MAPK14: variants seen among roughly 807,000 people sequenced by gnomAD.
MAPK14 encodes mitogen-activated protein kinase 14, also known as CSAID-binding protein.
Under a neutral mutation model 49.6 loss-of-function variants are expected in MAPK14, and 16 were observed. The ratio of observed to expected loss-of-function variants is 0.32; its 90% confidence interval spans 0.22 to 0.49. The LOEUF (loss-of-function observed/expected upper bound fraction) is 0.49. MAPK14 is among the 20% of genes least tolerant of loss of function. The pLI is 0.99. For missense variants in MAPK14, 200 were observed against 441.2 expected (o/e 0.45, Z 4.90); for synonymous variants, 142 against 158.0 (o/e 0.90, Z 0.76).
At chr6:36,060,509 A>T (rs530082306) in intron 3 of MAPK14, among the ~76,000 whole-genome samples, 27 of 152,342 alleles carry the variant, frequency 1.8e-4, no homozygotes, top group African/African-American at 5.5e-4. Context: ...TGTTACTATT[A>T]TGAAAGCCAA....
At chr6:36,083,420 C>T (rs1764844672) in intron 8 of MAPK14, among the ~76,000 whole-genome samples, 1 of 152,202 alleles carries the variant, frequency 6.6e-6, no homozygotes, top group East Asian at 1.9e-4. Context: ...TTCTTGGTAG[C>T]CCTTTGGCTG....
intron 1 of MAPK14, among the ~76,000 whole-genome samples, chr6:36,036,087 A>AT (rs1475659134): frequency 6.6e-6 from 1 of 151,914 alleles, no homozygotes; most frequent in Non-Finnish European, 1.5e-5. Flanking sequence ...TGTTTTTTAT[A>AT]TTTTTTGGTG....
Position 36,076,561 on chromosome 6 carries a change from TA to T in MAPK14, c.637del (p.Met213TrpfsTer5), listed in dbSNP as rs754861351. 1 of 1,613,982 alleles carries T rather than the reference TA, an allele frequency of 6.2e-7. No homozygotes were observed. The highest frequency in any genetic ancestry group is 8.5e-7 in the Non-Finnish European group (1 of 1,179,848). The stretch of plus-strand genomic sequence containing the variant: ...GTTGATATTTGGTCAGTGGGATGCA[TA>T]ATGGCCGAGCTGTTGACTGGAAGAA... ...QTVDIWSVGC[I>X]MAELLTGRTL... On this transcript the variant is annotated frameshift_variant, in exon 8 of 12. Transcript: ENST00000229794. LOFTEE classifies it high-confidence loss of function.
chr6:36,104,757 G>C (rs553204278), intron 10 of MAPK14, among the ~76,000 whole-genome samples: 79 of 152,104 alleles, frequency 5.2e-4, no homozygotes, highest in Non-Finnish European at 9.7e-4. Context: ...TTTTGAACAG[G>C]GCAGTACTCA....
At chr6:36,106,061 A>G (rs1291844830) in intron 10 of MAPK14, among the ~76,000 whole-genome samples, 1 of 152,222 alleles carries the variant, frequency 6.6e-6, no homozygotes, top group Non-Finnish European at 1.5e-5. Flanking sequence ...CCCGCAGATT[A>G]CTTGCTTTGG....
intron 3 of MAPK14, among the ~76,000 whole-genome samples, chr6:36,063,746 G>A (rs1158594069): frequency 6.6e-6 from 1 of 152,152 alleles, no homozygotes; most frequent in Non-Finnish European, 1.5e-5. Flanking sequence ...ACTGAATCTG[G>A]ATGGAGATGA....
rs1025774897 is a variant in MAPK14, at chr6:36,110,479, C to T, written c.*2032C>T. On this transcript the variant is annotated 3_prime_UTR_variant, in exon 12 of 12. Coordinates refer to ENST00000229794, the MANE Select transcript of MAPK14 (RefSeq NM_139012.3). The stretch of plus-strand genomic sequence containing the variant: ...CGTGTGATTTCCTACAGAAATACTG[C>T]TCTGAATATTTTGTAATAAAGGTCT... 2.0e-5 allele frequency: 3 copies of T among 152,762 alleles called. No individual in the cohort carries two copies. The East Asian group carries it at 5.8e-4, about 29-fold the overall frequency. 9.5% of individuals were successfully genotyped at this position (152,762 alleles called of 1,614,324 possible). A position where few individuals can be genotyped will look rare whatever the true frequency, so the allele number is the denominator to read the frequency against.
intron 1 of MAPK14, among the ~76,000 whole-genome samples, chr6:36,029,783 A>G (rs187416639): frequency 7.2e-5 from 11 of 152,164 alleles, no homozygotes; most frequent in Admixed American, 2.0e-4. Flanking sequence ...TCTTTCTCCC[A>G]TTTTTACAGC....
chr6:36,095,867 G>T, intron 8 of MAPK14, 120 bp from the exon 9 acceptor site: 1 of 643,200 alleles, frequency 1.6e-6, no homozygotes, highest in South Asian at 1.9e-5. Context: ...TGTTGGCTAG[G>T]TTTGGGGTGT....
intron 8 of MAPK14, chr6:36,092,430 T>C (rs999554773): frequency 4.2e-5 from 28 of 668,486 alleles, no homozygotes; most frequent in Non-Finnish European, 7.8e-5. Context: ...GATACACTCG[T>C]AGTGAAGCGT....
rs1764397767 is a variant in MAPK14, at chr6:36,073,628, A to G, written c.418-63A>G. On this transcript the variant is annotated intron_variant, in intron 4 of 11. Transcript: ENST00000229794. Reference sequence around the variant, plus strand: ...TACTGATTCATGAAAATGTGCAGCAAATATGTTATATAATATGACAATAGA... The same window carrying G: ...TACTGATTCATGAAAATGTGCAGCAGATATGTTATATAATATGACAATAGA... The G allele has an allele frequency of 3.0e-6, 4 of 1,321,332 alleles. No individual in the cohort carries two copies. The African/African-American group carries it at 4.4e-5, about 15-fold the overall frequency. 81.9% of individuals were successfully genotyped at this position (1,321,332 alleles called of 1,614,324 possible). A position where few individuals can be genotyped will look rare whatever the true frequency, so the allele number is the denominator to read the frequency against.
chr6:36,092,381 G>T, intron 8 of MAPK14: 3 of 667,132 alleles, frequency 4.5e-6, no homozygotes, highest in South Asian at 4.1e-5. Context: ...ACTCTATGCA[G>T]TAGCCACCCA....
At chr6:36,100,383 C>A (rs567179383) in intron 9 of MAPK14, 2 of 788,242 alleles carry the variant, frequency 2.5e-6, no homozygotes, top group East Asian at 2.5e-5. Flanking sequence ...TGCCTTGAGG[C>A]CTGCCTATGT....
In MAPK14 at chr6:36,086,035, G is replaced by T. The variant is rs959857623; in HGVS notation, c.682+9427G>T. On this transcript the variant is annotated intron_variant, in intron 8 of 11. Transcript: ENST00000229794. ...AAACCACACAATTACGTGGAAATTG[G>T]ACAACCTGCTCCTGAATGACTCCTG... Among the ~76,000 whole-genome samples, 66 of 152,114 alleles carry T rather than the reference G, an allele frequency of 4.3e-4. 2 individuals carry two copies. The highest frequency in any genetic ancestry group is 3.7e-3 in the Admixed American group (57 of 15,280).
At chr6:36,090,388 A>G (rs1216397427) in intron 8 of MAPK14, among the ~76,000 whole-genome samples, 4 of 151,918 alleles carry the variant, frequency 2.6e-5, no homozygotes, top group East Asian at 1.9e-4. Flanking sequence ...CAGTGGCGCA[A>G]TCTCGGCTCA....
intron 8 of MAPK14, chr6:36,092,432 G>A: frequency 4.5e-6 from 3 of 670,040 alleles, no homozygotes; most frequent in South Asian, 2.7e-5. Flanking sequence ...TACACTCGTA[G>A]TGAAGCGTTC....
chr6:36,076,636 G>A (rs987317274), intron 8 of MAPK14, 28 bp downstream of exon 8: 22 of 1,557,826 alleles, frequency 1.4e-5, no homozygotes, highest in Non-Finnish European at 1.9e-5. Context: ...TTGGATTCTT[G>A]TTTCTTATCT....
chr6:36,109,626 A>AT lies in MAPK14; in HGVS notation c.*1184dup, dbSNP rs1298929854. On this transcript the variant is annotated 3_prime_UTR_variant, in exon 12 of 12. Transcript: ENST00000229794. ...AAAGAGGAACAGGTGGATGTATAGC[A>AT]TTTTTATTCATGCCATCTGTTTTCA... The AT allele has an allele frequency of 6.6e-6, 1 of 152,646 alleles. No individual in the cohort carries two copies. The highest frequency in any genetic ancestry group is 2.4e-5 in the African/African-American group (1 of 41,450). The allele number at this position is 152,646 out of a possible 1,614,324, so 9.5% of individuals were successfully genotyped here.
chr6:36,050,974 G>C lies in MAPK14; in HGVS notation c.117-1725G>C, dbSNP rs78072573. Among the ~76,000 whole-genome samples the C allele has an allele frequency of 1.5e-3, 221 of 152,208 alleles. 1 individual carries two copies. The East Asian group carries it at 0.016, about 11-fold the overall frequency. On this transcript the variant is annotated intron_variant, in intron 1 of 11. Coordinates refer to ENST00000229794, the MANE Select transcript of MAPK14 (RefSeq NM_139012.3). ...GAGTGAAAGGAAGGGCACTGGAGTA[G>C]GTACAGAGTTGTAAAAGCAAGTTTG...
Sources: gnomAD v4.1 joint callset for allele counts (sites outside exome capture counted in the v4.1 genomes callset) on GRCh38, gnomAD v4.1.1 for gene constraint, MANE v1.5 for transcripts, NCBI Gene and HGNC (gene_info 2026-07-23, HGNC 2026-07-21) for gene names.